SPTBN4: variants seen among roughly 807,000 people sequenced by gnomAD.
SPTBN4 encodes spectrin beta, non-erythrocytic 4.
A neutral mutation model predicts 277.8 loss-of-function variants in SPTBN4; 96 were observed. That is an observed-to-expected ratio of 0.35 (90% CI 0.29 to 0.41). The LOEUF is 0.41. SPTBN4 is among the 10% of genes least tolerant of loss of function. The pLI is 1.00. For synonymous variants in SPTBN4, 1,481 were observed against 1,580.3 expected, an observed-to-expected ratio of 0.94 and a Z score of 1.49; for missense variants, 3,006 against 3,595.7, an observed-to-expected ratio of 0.84 and a Z score of 4.19.
chr19:40,530,323 A>C (rs2080649439), intron 18 of SPTBN4, among the ~76,000 whole-genome samples: 1 of 151,998 alleles, frequency 6.6e-6, no homozygotes, highest in Non-Finnish European at 1.5e-5. Context: ...CAATCATCTG[A>C]GATGGCGCAG....
At chr19:40,484,412 C>T (rs1217536951) in intron 2 of SPTBN4, among the ~76,000 whole-genome samples, 2 of 152,120 alleles carry the variant, frequency 1.3e-5, no homozygotes, top group African/African-American at 4.8e-5. Context: ...GCCAACAAAT[C>T]GACTTCACAG....
intron 27 of SPTBN4, 89 bp from the exon 28 acceptor site, chr19:40,565,334 C>T: frequency 6.7e-7 from 1 of 1,490,826 alleles, no homozygotes; most frequent in Non-Finnish European, 9.0e-7. Context: ...ATGTCAGCCT[C>T]AAGGATTTGG....
rs374237190 is a variant in SPTBN4 at position 40,554,056 on chromosome 19, G to A, written c.4675-91G>A. 6.8e-5 allele frequency: 87 copies of A among 1,275,938 alleles called. No homozygotes were observed. In the African/African-American group the frequency reaches 1.3e-3, roughly 18 times the overall value. The allele number at this position is 1,275,938 out of a possible 1,614,324, so 79.0% of individuals were successfully genotyped here. ...GCTGGGGGTGCTTGTTAATTGCCCCGTGGGCCGTGCCAGTAGCAGAGGAGC... is the reference window on the plus strand; with the variant it reads ...GCTGGGGGTGCTTGTTAATTGCCCCATGGGCCGTGCCAGTAGCAGAGGAGC... On this transcript the variant is annotated intron_variant, in intron 22 of 35. Coordinates refer to ENST00000598249, the MANE Select transcript of SPTBN4 (RefSeq NM_020971.3). This position sits in a 1 kb window ranked among gnomAD's most constrained non-coding sequence, Gnocchi z 5.7.
chr19:40,520,231 T>TG, intron 16 of SPTBN4, 80 bp downstream of exon 16: 1 of 350,218 alleles, frequency 2.9e-6, no homozygotes, highest in Non-Finnish European at 3.9e-6. Flanking sequence ...CATGCGGGGG[T>TG]GGGGAGGAGG....
chr19:40,472,320 T>A (rs1396067190), intron 1 of SPTBN4, among the ~76,000 whole-genome samples: 1 of 151,936 alleles, frequency 6.6e-6, no homozygotes, highest in Non-Finnish European at 1.5e-5. Flanking sequence ...GTTGGGATTA[T>A]AGGCCTGAGC....
intron 3 of SPTBN4, among the ~76,000 whole-genome samples, chr19:40,488,220 A>G (rs1222564984): frequency 2.0e-5 from 3 of 152,044 alleles, no homozygotes; most frequent in African/African-American, 7.2e-5. Flanking sequence ...CATGCTATAA[A>G]ACAGGGGCAG....
intron 30 of SPTBN4, chr19:40,567,230 C>G (rs1028792359): frequency 4.8e-5 from 20 of 418,930 alleles, no homozygotes; most frequent in African/African-American, 4.1e-4. Flanking sequence ...CACTGGAGGT[C>G]AAGGCTGCAA....
intron 16 of SPTBN4, among the ~76,000 whole-genome samples, chr19:40,521,964 T>C (rs2080531671): frequency 1.3e-5 from 2 of 151,544 alleles, no homozygotes; most frequent in South Asian, 4.2e-4. Context: ...CCACTCATTT[T>C]ACTAGTTAGA....
At chr19:40,544,004 C>G (rs2080828461) in intron 20 of SPTBN4, among the ~76,000 whole-genome samples, 1 of 152,142 alleles carries the variant, frequency 6.6e-6, no homozygotes, top group African/African-American at 2.4e-5. Flanking sequence ...AGTTCTCATC[C>G]CCTCCCCCAG....
intron 34 of SPTBN4, 56 bp downstream of exon 34, chr19:40,572,248 T>G (rs530032185): frequency 6.2e-6 from 10 of 1,601,520 alleles, no homozygotes; most frequent in South Asian, 2.2e-5. Flanking sequence ...CAACTCCCAG[T>G]GGGACCCTGG....
chr19:40,513,235 C>G lies in SPTBN4; in HGVS notation c.2446C>G (p.Arg816Gly), dbSNP rs1197728797. 1.3e-6 allele frequency: 2 copies of G among 1,515,976 alleles called. No individual in the cohort carries two copies. Among genetic ancestry groups the G allele is most frequent in the Non-Finnish European group, 1.8e-6 (2 of 1,139,096 alleles). The allele number at this position is 1,515,976 out of a possible 1,614,324, so 93.9% of individuals were successfully genotyped here. A position where few individuals can be genotyped will look rare whatever the true frequency, so the allele number is the denominator to read the frequency against. The change falls in exon 14 of 36, where the codon CGC becomes GGC. Residue 816 changes from arginine (R) to glycine (G), a missense_variant. By Grantham distance (125) the Arg-to-Gly change is moderately radical (BLOSUM62 -2). Around this residue, in one of 5 missense-constraint regions of SPTBN4, gnomAD observed 1,759 missense variants for 2,061.5 expected, o/e 0.85. Coordinates refer to ENST00000598249, the MANE Select transcript of SPTBN4 (RefSeq NM_020971.3). ...ASSRRLARQH[R>G]ALTGEVEAHR... ...CAGCCGCCGCCTGGCGCGCCAGCAC[C>G]GCGCGCTCACCGGGGAGGTGGAGGC...
At chr19:40,477,025 T>TTTATTATTATTA (rs368715725) in intron 2 of SPTBN4, among the ~76,000 whole-genome samples, 106 of 147,578 alleles carry the variant, frequency 7.2e-4, no homozygotes, top group South Asian at 6.1e-3. Flanking sequence ...AGCTGTAGAA[T>TTTATTATTATTA]TTATTATTAT....
rs139015416 is a variant in SPTBN4 at position 40,574,115 on chromosome 19, C to CAAACA, written c.7537-1267_7537-1263dup. Among the ~76,000 whole-genome samples, 318 of 150,296 alleles carry CAAACA rather than the reference C, an allele frequency of 2.1e-3. 2 individuals are homozygous for CAAACA. The highest frequency in any genetic ancestry group is 0.013 in the South Asian group (60 of 4,750). ...AGACTCCATCTCAAAACAAAACAAACAAACAAAACAAAACAAAACAAAACA... is the reference window on the plus strand; with the variant it reads ...AGACTCCATCTCAAAACAAAACAAACAAACAAAACAAAACAAAACAAAACAAAACA... On this transcript the variant is annotated intron_variant, in intron 35 of 35. Transcript: ENST00000598249.
At chr19:40,491,601 G>A (rs962690548) in intron 4 of SPTBN4, among the ~76,000 whole-genome samples, 1 of 150,710 alleles carries the variant, frequency 6.6e-6, no homozygotes, top group Non-Finnish European at 1.5e-5. Context: ...AATTAACTGG[G>A]CTTCATGGTG....
At chr19:40,479,777 T>C (rs953501247) in intron 2 of SPTBN4, among the ~76,000 whole-genome samples, 10 of 148,930 alleles carry the variant, frequency 6.7e-5, no homozygotes, top group Admixed American at 3.4e-4. Context: ...CACAAATGAG[T>C]ACTCTCTTGT....
intron 20 of SPTBN4, 45 bp from the exon 21 acceptor site, chr19:40,549,144 C>T: frequency 1.4e-6 from 2 of 1,478,690 alleles, no homozygotes; most frequent in Non-Finnish European, 1.8e-6. Flanking sequence ...ACAGCAGGAT[C>T]AGGAGGGCGG....
At chr19:40,522,043 T>C (rs1016375390) in intron 16 of SPTBN4, among the ~76,000 whole-genome samples, 1 of 152,276 alleles carries the variant, frequency 6.6e-6, no homozygotes, top group East Asian at 1.9e-4. Context: ...TCTTCTTTTT[T>C]TGAGACAGGA....
At chr19:40,565,271 A>AAAAAAAAAAG in intron 27 of SPTBN4, 152 bp from the exon 28 acceptor site, 1 of 980,054 alleles carries the variant, frequency 1.0e-6, no homozygotes, top group Non-Finnish European at 1.5e-6. Context: ...TCTCAAAAAA[A>AAAAAAAAAAG]AAAAGAAAAG....
At chr19:40,486,722 C>T (rs1437612179) in intron 2 of SPTBN4, among the ~76,000 whole-genome samples, 1 of 151,662 alleles carries the variant, frequency 6.6e-6, no homozygotes, top group Non-Finnish European at 1.5e-5. Context: ...TAAGGCCGGG[C>T]GCAATGGCTC....
Sources: allele counts gnomAD v4.1 joint callset (sites outside exome capture counted in the v4.1 genomes callset), GRCh38; gene constraint gnomAD v4.1.1; regional missense constraint gnomAD v4.1.1; non-coding constraint Gnocchi (gnomAD v3.1); transcripts MANE v1.5; gene names NCBI Gene and HGNC (gene_info 2026-07-23, HGNC 2026-07-21).